The following PLPP4 variants were observed in gnomAD, a reference collection of about 807,000 sequenced individuals.
The protein encoded by PLPP4 is phospholipid phosphatase 4.
A neutral mutation model predicts 32.2 loss-of-function variants in PLPP4; 20 were observed. The observed-to-expected ratio is 0.62, with a 90% CI of 0.44 to 0.90. PLPP4 has a LOEUF of 0.90. PLPP4 is among the 40% of genes least tolerant of loss of function. The pLI, the probability that PLPP4 is intolerant of heterozygous loss-of-function variation, is 0.00. For synonymous variants in PLPP4, 127 were observed against 133.0 expected, an observed-to-expected ratio of 0.95 and a Z score of 0.31; for missense variants, 257 against 353.1, an observed-to-expected ratio of 0.73 and a Z score of 2.18.
chr10:120,528,714 C>T (rs1846548495), intron 5 of PLPP4, among the ~76,000 whole-genome samples: 1 of 152,150 alleles, frequency 6.6e-6, no homozygotes, highest in African/African-American at 2.4e-5. Flanking sequence ...TGCCAAGTCC[C>T]TGGAGGGAAT....
chr10:120,513,341 C>A (rs577019173), intron 2 of PLPP4, among the ~76,000 whole-genome samples: 2 of 152,284 alleles, frequency 1.3e-5, no homozygotes, highest in African/African-American at 4.8e-5. Context: ...TTGGCTGCAT[C>A]TGAATCCCAC....
chr10:120,555,675 T>TTGAA (rs1848129611), intron 5 of PLPP4, among the ~76,000 whole-genome samples: 1 of 152,318 alleles, frequency 6.6e-6, no homozygotes, highest in East Asian at 1.9e-4. Flanking sequence ...GCCTGCCTGT[T>TTGAA]TGAATGAATG....
intron 1 of PLPP4, among the ~76,000 whole-genome samples, chr10:120,461,791 C>A (rs1424684160): frequency 6.6e-6 from 1 of 152,198 alleles, no homozygotes; most frequent in Non-Finnish European, 1.5e-5. Context: ...CATTGTTCAT[C>A]CACTTGATGG....
intron 5 of PLPP4, among the ~76,000 whole-genome samples, chr10:120,566,915 G>A (rs1375182775): frequency 6.6e-6 from 1 of 152,136 alleles, no homozygotes; most frequent in Non-Finnish European, 1.5e-5. Context: ...GGGATCTTCT[G>A]TGACATTTTC....
At chr10:120,585,487 G>A (rs1462332306) in intron 6 of PLPP4, among the ~76,000 whole-genome samples, 1 of 152,210 alleles carries the variant, frequency 6.6e-6, no homozygotes, top group African/African-American at 2.4e-5. Flanking sequence ...CTCTGAAGTG[G>A]AATGTGAGAG....
chr10:120,589,533 C>G lies in PLPP4; in HGVS notation c.*31C>G, dbSNP rs1188770135. On this transcript the variant is annotated 3_prime_UTR_variant, in exon 7 of 7. Coordinates refer to ENST00000398250, the MANE Select transcript of PLPP4 (RefSeq NM_001030059.3). ...GTCCTGGGAGGATGGACACTAAGCC[C>G]TGGGCACATCTGCCACCCTGACATC... is the stretch of plus-strand genomic sequence containing the variant. The G allele has an allele frequency of 6.5e-7, 1 of 1,533,194 alleles. No individual in the cohort carries two copies. The highest frequency in any genetic ancestry group is 1.4e-5 in the African/African-American group (1 of 73,338). The allele number at this position is 1,533,194 out of a possible 1,614,324, so 95.0% of individuals were successfully genotyped here.
chr10:120,475,008 T>A (rs1843832392), intron 1 of PLPP4, among the ~76,000 whole-genome samples: 1 of 152,058 alleles, frequency 6.6e-6, no homozygotes, highest in African/African-American at 2.4e-5. Flanking sequence ...GTTGAAACAA[T>A]TTACACCAGA....
chr10:120,506,025 C>CA (rs924198871), intron 2 of PLPP4, among the ~76,000 whole-genome samples: 1 of 152,180 alleles, frequency 6.6e-6, no homozygotes, highest in Non-Finnish European at 1.5e-5. Context: ...AGTCTAGATA[C>CA]AAATGCCACA....
At chr10:120,469,307 A>C in intron 1 of PLPP4, among the ~76,000 whole-genome samples, 1 of 147,728 alleles carries the variant, frequency 6.8e-6, no homozygotes, top group African/African-American at 2.5e-5. Context: ...AGCTCACTGC[A>C]AGCTCCACCT....
intron 2 of PLPP4, 29 bp downstream of exon 2, chr10:120,503,955 G>T: frequency 7.0e-7 from 1 of 1,434,784 alleles, no homozygotes. Context: ...TTCCTTATTT[G>T]ACTGCTCTCT....
At chr10:120,569,116 G>A (rs1246696203) in intron 5 of PLPP4, among the ~76,000 whole-genome samples, 1 of 152,030 alleles carries the variant, frequency 6.6e-6, no homozygotes. Flanking sequence ...ATGGGCACCT[G>A]CAATCCCAGC....
intron 5 of PLPP4, among the ~76,000 whole-genome samples, chr10:120,528,136 G>A (rs1039178077): frequency 4.3e-5 from 6 of 139,290 alleles, no homozygotes; most frequent in South Asian, 5.0e-4. Context: ...GTGCAGCGGC[G>A]CGATCTCGGC....
chr10:120,463,498 A>C (rs1007883098), intron 1 of PLPP4, among the ~76,000 whole-genome samples: 2 of 152,102 alleles, frequency 1.3e-5, no homozygotes, highest in African/African-American at 4.8e-5. Flanking sequence ...TACTTACTTC[A>C]CTGGATTTTA....
At chr10:120,587,932 G>A (rs1411701864) in intron 6 of PLPP4, among the ~76,000 whole-genome samples, 1 of 152,196 alleles carries the variant, frequency 6.6e-6, no homozygotes, top group Middle Eastern at 3.2e-3. Flanking sequence ...ATACCCTTCA[G>A]CCCGTGGGGC....
At chr10:120,465,116 C>T (rs951213802) in intron 1 of PLPP4, among the ~76,000 whole-genome samples, 3 of 152,220 alleles carry the variant, frequency 2.0e-5, no homozygotes, top group African/African-American at 4.8e-5. Flanking sequence ...CATAAAAGCT[C>T]ACTACCTCTA....
intron 3 of PLPP4, 48 bp from the exon 4 acceptor site, chr10:120,518,785 T>A (rs773049715): frequency 6.0e-6 from 9 of 1,495,744 alleles, no homozygotes; most frequent in Non-Finnish European, 8.4e-6. Flanking sequence ...ATGATTTTGA[T>A]TTAAGAGCCA....
At chr10:120,513,785 G>T in intron 2 of PLPP4, 126 bp from the exon 3 acceptor site, 3 of 763,766 alleles carry the variant, frequency 3.9e-6, no homozygotes, top group Admixed American at 2.3e-5. Context: ...GTTTGTTTGA[G>T]GTCAGGAGTT....
chr10:120,461,376 G>A (rs912859563), intron 1 of PLPP4, among the ~76,000 whole-genome samples: 1 of 152,174 alleles, frequency 6.6e-6, no homozygotes, highest in African/African-American at 2.4e-5. Flanking sequence ...AGATGATGAC[G>A]ATCTCATGTG....
In PLPP4 at chr10:120,589,500, T is replaced by A; in HGVS notation, c.814T>A (p.Ter272ArgextTer9). 6.2e-7 allele frequency: 1 copy of A among 1,613,688 alleles called. No homozygotes were observed. Among genetic ancestry groups the A allele is most frequent in the Non-Finnish European group, 8.5e-7 (1 of 1,179,812 alleles). ...GGAGGGGATCACCGAAGGCCCGGTA[T>A]GACCAGTGTCCTGGGAGGATGGACA... The part of the protein sequence containing the change: ...PLEGITEGPV[*>R] Residue 272 changes from the stop codon to arginine (R), a stop_lost, in exon 7 of 7, where the codon TGA (stop) becomes AGA (arginine). Coordinates refer to ENST00000398250, the MANE Select transcript of PLPP4 (RefSeq NM_001030059.3).
Sources: gnomAD v4.1 joint callset for allele counts (sites outside exome capture counted in the v4.1 genomes callset) on GRCh38, gnomAD v4.1.1 for gene constraint, MANE v1.5 for transcripts, NCBI Gene and HGNC (gene_info 2026-07-23, HGNC 2026-07-21) for gene names.